Variants in NQO2 observed in about 807,000 individuals in gnomAD.
The protein encoded by NQO2 is N-ribosyldihydronicotinamide:quinone dehydrogenase 2.
A neutral mutation model predicts 22.0 loss-of-function variants in NQO2; 18 were observed. The observed-to-expected ratio is 0.82, with a 90% CI of 0.56 to 1.21. NQO2 has a LOEUF of 1.21. Among genes scored for constraint, NQO2 ranks in the 50% most tolerant of loss-of-function variants. The pLI is 0.00. For missense variants in NQO2, 267 were observed against 286.9 expected (o/e 0.93, Z 0.50); for synonymous variants, 106 against 110.8 (o/e 0.96, Z 0.28).
intron 1 of NQO2, among the ~76,000 whole-genome samples, chr6:3,001,553 G>T (rs1290202370): frequency 6.6e-6 from 1 of 152,058 alleles, no homozygotes; most frequent in Non-Finnish European, 1.5e-5. Flanking sequence ...ATAACCTAAG[G>T]TCCCAGAAAT....
chr6:3,004,355 A>T, intron 1 of NQO2: 7 of 985,316 alleles, frequency 7.1e-6, no homozygotes, highest in Non-Finnish European at 8.4e-6. Flanking sequence ...AAGGATTTGA[A>T]GTCACCTTTG....
rs187384791 is a variant in NQO2 at position 3,012,538 on chromosome 6, C to G, written c.173-6C>G. ...GAGTGAGAATGTTTGGCCTCTTCCC[C>G]GACAGGTACTCTTTCTAATCCTGAG... On this transcript the variant is annotated splice_polypyrimidine_tract_variant and splice_region_variant and intron_variant, in intron 3 of 6. Transcript: ENST00000380455. 261 of 1,613,878 alleles carry G rather than the reference C, an allele frequency of 1.6e-4. 1 individual carries two copies. The African/African-American group carries it at 3.0e-3, about 18-fold the overall frequency.
chr6:3,019,314 C>T, intron 6 of NQO2, 165 bp from the exon 7 acceptor site: 1 of 980,216 alleles, frequency 1.0e-6, no homozygotes, highest in Non-Finnish European at 1.2e-6. Context: ...AGGCTGTGTC[C>T]TAAAGCCATA....
intron 3 of NQO2, among the ~76,000 whole-genome samples, chr6:3,011,359 G>A (rs1757128937): frequency 6.6e-6 from 1 of 152,116 alleles, no homozygotes; most frequent in African/African-American, 2.4e-5. Context: ...GGATGAAGCA[G>A]AAGAAAAAAT....
intron 2 of NQO2, chr6:3,007,050 C>T (rs1270857052): frequency 2.5e-6 from 1 of 394,824 alleles, no homozygotes; most frequent in Admixed American, 4.4e-5. Context: ...CATGGAGAGC[C>T]TTTCGTGTTA....
At chr6:3,017,672 A>G (rs1310043483) in intron 6 of NQO2, among the ~76,000 whole-genome samples, 1 of 152,204 alleles carries the variant, frequency 6.6e-6, no homozygotes, top group African/African-American at 2.4e-5. Flanking sequence ...TGTCCCACGA[A>G]GGAACCCCTG....
chr6:3,006,258 T>C lies in NQO2; in HGVS notation c.-85-210T>C, dbSNP rs1561711165. 22 of 903,514 alleles carry C rather than the reference T, an allele frequency of 2.4e-5. No homozygotes were observed. Among genetic ancestry groups the C allele is most frequent in the Non-Finnish European group, 2.9e-5 (22 of 755,452 alleles). The allele number at this position is 903,514 out of a possible 1,614,324, so 56.0% of individuals were successfully genotyped here. ...TGTCTGGATGGAAGGTTCAGAGTCC[T>C]CTCAAAAAAGGAAAAAAGTATGGGT... On this transcript the variant is annotated intron_variant, in intron 1 of 6. Transcript: ENST00000380455. This position sits in a 1 kb window ranked among gnomAD's most constrained non-coding sequence, Gnocchi z 4.0.
chr6:3,008,624 A>T (rs1276710525), intron 2 of NQO2, among the ~76,000 whole-genome samples: 1 of 152,158 alleles, frequency 6.6e-6, no homozygotes, highest in Admixed American at 6.6e-5. Flanking sequence ...AGTGGCACAC[A>T]TCTATCGGGG....
intron 4 of NQO2, among the ~76,000 whole-genome samples, chr6:3,014,732 A>C (rs1757265199): frequency 6.6e-6 from 1 of 152,168 alleles, no homozygotes; most frequent in African/African-American, 2.4e-5. Flanking sequence ...ATCAGAGCCC[A>C]CCACTCACTG....
chr6:3,013,012 G>A (rs1384500708), intron 4 of NQO2, among the ~76,000 whole-genome samples: 1 of 128,804 alleles, frequency 7.8e-6, no homozygotes, highest in African/African-American at 2.9e-5. Context: ...CTGGAGTGCA[G>A]TGGCGGGATC....
Position 3,006,231 on chromosome 6 carries a change from ACTGT to A in NQO2, c.-85-233_-85-230del, listed in dbSNP as rs1756945450. 1 of 659,910 alleles carries A rather than the reference ACTGT, an allele frequency of 1.5e-6. No individual in the cohort carries two copies. Among genetic ancestry groups the A allele is most frequent in the African/African-American group, 2.0e-5 (1 of 50,844 alleles). 40.9% of individuals were successfully genotyped at this position (659,910 alleles called of 1,614,324 possible). A position where few individuals can be genotyped will look rare whatever the true frequency, so the allele number is the denominator to read the frequency against. The stretch of plus-strand genomic sequence containing the variant: ...CATTTCCTGGGTCCTTTGCTGTATG[ACTGT>A]CTGGATGGAAGGTTCAGAGTCCTCT... On this transcript the variant is annotated intron_variant, in intron 1 of 6. Coordinates refer to ENST00000380455, the MANE Select transcript of NQO2 (RefSeq NM_000904.6). This position sits in a 1 kb window ranked among gnomAD's most constrained non-coding sequence, Gnocchi z 4.0.
At chr6:3,002,995 A>C (rs1756791661) in intron 1 of NQO2, among the ~76,000 whole-genome samples, 1 of 151,430 alleles carries the variant, frequency 6.6e-6, no homozygotes, top group South Asian at 2.1e-4. Context: ...GGCTCAAGTG[A>C]TCTCCTGCCT....
chr6:3,018,565 G>A (rs1757420077), intron 6 of NQO2, among the ~76,000 whole-genome samples: 1 of 152,158 alleles, frequency 6.6e-6, no homozygotes, highest in Non-Finnish European at 1.5e-5. Context: ...AAAAAATGTG[G>A]ATAGTGGTGT....
chr6:3,005,981 C>T (rs912437453), intron 1 of NQO2, among the ~76,000 whole-genome samples: 3 of 152,174 alleles, frequency 2.0e-5, no homozygotes, highest in African/African-American at 7.2e-5. Context: ...TCTGAGACTT[C>T]TGGTTAGAGC....
chr6:3,002,182 G>A, intron 1 of NQO2: 2 of 985,222 alleles, frequency 2.0e-6, no homozygotes, highest in South Asian at 9.4e-5. Flanking sequence ...CTAGAGGAGT[G>A]AAAATGAAGC....
chr6:3,008,912 G>A (rs1433220644), intron 2 of NQO2, among the ~76,000 whole-genome samples: 2 of 152,126 alleles, frequency 1.3e-5, no homozygotes, highest in Admixed American at 6.5e-5. Flanking sequence ...CAAGGTAATA[G>A]AATATCACAA....
rs573478296 is a variant in NQO2, at chr6:3,002,763, C to G, written c.-86+2678C>G. On this transcript the variant is annotated intron_variant, in intron 1 of 6. Transcript: ENST00000380455. The stretch of plus-strand genomic sequence containing the variant: ...CCATCCACTCTTTTTTTTTTTGAAC[C>G]ACAGTTCAGCCAAACAGGCTTTCTT... Among the ~76,000 whole-genome samples the G allele has an allele frequency of 1.4e-3, 213 of 152,040 alleles. 1 individual carries two copies. Among genetic ancestry groups the G allele is most frequent in the Non-Finnish European group, 1.5e-3 (104 of 67,964 alleles).
In NQO2 at chr6:3,012,551, T is replaced by C; in HGVS notation, c.180T>C (p.Leu60=). The change falls in exon 4 of 7, where the codon CTT becomes CTC. Residue 60 remains leucine (L), a synonymous_variant. Coordinates refer to ENST00000380455, the MANE Select transcript of NQO2 (RefSeq NM_000904.6). The stretch of plus-strand genomic sequence containing the variant: ...TGGCCTCTTCCCCGACAGGTACTCT[T>C]TCTAATCCTGAGGTTTTCAATTATG... ...RATDKDITGT[L]SNPEVFNYGV... is the part of the protein sequence containing the mutation. The C allele has an allele frequency of 6.2e-7, 1 of 1,614,112 alleles. No individual in the cohort carries two copies. Among genetic ancestry groups the C allele is most frequent in the Non-Finnish European group, 8.5e-7 (1 of 1,180,002 alleles).
At chr6:3,013,371 T>C (rs3823095) in intron 4 of NQO2, among the ~76,000 whole-genome samples, 22,236 of 152,080 alleles carry the variant, frequency 0.15, 2,481 homozygotes, top group African/African-American at 0.32. Flanking sequence ...TTTCCATTAT[T>C]CCAGTGGTCC....
Sources: gnomAD v4.1 joint callset for allele counts (sites outside exome capture counted in the v4.1 genomes callset) on GRCh38, gnomAD v4.1.1 for gene constraint, Gnocchi (gnomAD v3.1) non-coding constraint, MANE v1.5 for transcripts, NCBI Gene and HGNC (gene_info 2026-07-23, HGNC 2026-07-21) for gene names.